The following CSMD1 variants were observed in gnomAD, a reference collection of about 807,000 sequenced individuals.
The protein encoded by CSMD1 is CUB and Sushi multiple domains 1, also known as CUB and sushi domain-containing protein 1.
Under a neutral mutation model 417.5 loss-of-function variants are expected in CSMD1, and 213 were observed. The ratio of observed to expected loss-of-function variants is 0.51; its 90% CI spans 0.46 to 0.57. CSMD1 has a LOEUF of 0.57. Among genes scored for constraint, CSMD1 ranks in the 20% least tolerant of loss-of-function variants. The pLI, the probability that CSMD1 is intolerant of heterozygous loss-of-function variation, is 0.00. For synonymous variants in CSMD1, 2,862 were observed against 1,736.8 expected (o/e 1.65, Z -16.11); for missense variants, 6,923 against 4,529.7 (o/e 1.53, Z -15.17).
intron 3 of CSMD1, among the ~76,000 whole-genome samples, chr8:4,299,720 TCCC>T (rs757794097): frequency 6.6e-6 from 1 of 152,086 alleles, no homozygotes; most frequent in African/African-American, 2.4e-5. Flanking sequence ...AACCCCTGAC[TCCC>T]CATTTCAAGC....
chr8:3,823,028 C>G (rs570495896), intron 5 of CSMD1, among the ~76,000 whole-genome samples: 32 of 152,158 alleles, frequency 2.1e-4, no homozygotes, highest in African/African-American at 7.2e-4. Flanking sequence ...AAACATAATT[C>G]GGCATCAGTA....
intron 26 of CSMD1, among the ~76,000 whole-genome samples, chr8:3,258,366 A>G (rs1018233342): frequency 6.6e-6 from 1 of 152,224 alleles, no homozygotes; most frequent in Non-Finnish European, 1.5e-5. Flanking sequence ...TGATCGTTAG[A>G]GAAATGCAAA....
At chr8:4,708,377 T>C (rs779120478) in intron 1 of CSMD1, among the ~76,000 whole-genome samples, 4 of 152,232 alleles carry the variant, frequency 2.6e-5, no homozygotes, top group Non-Finnish European at 4.4e-5. Context: ...TGTTCATTAT[T>C]CTGTTCAGTG....
At chr8:4,070,271 A>T (rs938468259) in intron 3 of CSMD1, among the ~76,000 whole-genome samples, 7 of 152,182 alleles carry the variant, frequency 4.6e-5, no homozygotes, top group Non-Finnish European at 7.3e-5. Flanking sequence ...CAAACTCTAA[A>T]ACATAATGTT....
intron 7 of CSMD1, among the ~76,000 whole-genome samples, chr8:3,645,539 C>G (rs1158446549): frequency 6.6e-6 from 1 of 152,082 alleles, no homozygotes; most frequent in African/African-American, 2.4e-5. Context: ...AGAGGTGAAG[C>G]TGCAGGAGAG....
At chr8:3,842,807 G>A (rs1018994989) in intron 5 of CSMD1, among the ~76,000 whole-genome samples, 78 of 152,268 alleles carry the variant, frequency 5.1e-4, no homozygotes, top group Middle Eastern at 3.4e-3. Context: ...TGGAATGTCA[G>A]TGTTCAAAAA....
intron 2 of CSMD1, among the ~76,000 whole-genome samples, chr8:4,549,631 G>A (rs1197143853): frequency 6.6e-6 from 1 of 152,056 alleles, no homozygotes; most frequent in African/African-American, 2.4e-5. Flanking sequence ...GCTCACACCG[G>A]TAATCCCAGC....
At chr8:3,555,961 A>G (rs1416830780) in intron 10 of CSMD1, among the ~76,000 whole-genome samples, 4 of 152,190 alleles carry the variant, frequency 2.6e-5, no homozygotes, top group African/African-American at 2.4e-5. Flanking sequence ...GGTTCTCCCA[A>G]TGTTAAATGA....
intron 5 of CSMD1, among the ~76,000 whole-genome samples, chr8:3,953,920 C>T (rs1346331845): frequency 6.6e-6 from 1 of 152,188 alleles, no homozygotes; most frequent in Non-Finnish European, 1.5e-5. Context: ...CTGTCTGGAA[C>T]GGCCCTGGCA....
chr8:3,558,646 T>C lies in CSMD1; in HGVS notation c.1344+16299A>G, dbSNP rs576306545. 2.8e-3 allele frequency among the ~76,000 whole-genome samples: 418 copies of C among 148,430 alleles called. 1 individual carries two copies. Among genetic ancestry groups the C allele is most frequent in the Non-Finnish European group, 4.4e-3 (295 of 66,972 alleles). On this transcript the variant is annotated intron_variant, in intron 10 of 69. Coordinates refer to ENST00000635120, the MANE Select transcript of CSMD1 (RefSeq NM_033225.6). ...TGAATAGTGCCTCAATAGTACCCCG[T>C]GTCCACTCCTCCAATGATGAACGGT...
intron 3 of CSMD1, among the ~76,000 whole-genome samples, chr8:4,314,871 G>A (rs149137996): frequency 7.2e-5 from 11 of 152,296 alleles, no homozygotes; most frequent in African/African-American, 1.9e-4. Flanking sequence ...GTTAGAAAAC[G>A]CTTCCTGTTG....
At chr8:2,993,336 G>T (rs973510126) in intron 54 of CSMD1, among the ~76,000 whole-genome samples, 1 of 152,150 alleles carries the variant, frequency 6.6e-6, no homozygotes, top group African/African-American at 2.4e-5. Context: ...TGAAGGTAAG[G>T]TTATATTTTC....
chr8:4,701,252 C>T (rs1483216372), intron 1 of CSMD1, among the ~76,000 whole-genome samples: 1 of 151,970 alleles, frequency 6.6e-6, no homozygotes, highest in Non-Finnish European at 1.5e-5. Flanking sequence ...GGTCTGCTTC[C>T]ACCTGGCAAA....
intron 3 of CSMD1, among the ~76,000 whole-genome samples, chr8:4,415,722 A>G (rs1309367178): frequency 6.6e-6 from 1 of 152,224 alleles, no homozygotes; most frequent in Non-Finnish European, 1.5e-5. Context: ...AGAAGAAATG[A>G]ATGAGCAAAT....
intron 64 of CSMD1, 104 bp from the exon 65 acceptor site, chr8:2,954,372 T>A (rs1802851603): frequency 1.5e-6 from 1 of 655,306 alleles, no homozygotes; most frequent in African/African-American, 1.8e-5. Context: ...CAGATTTTTT[T>A]AATGTACAAA....
intron 1 of CSMD1, among the ~76,000 whole-genome samples, chr8:4,712,877 G>A (rs1000623533): frequency 1.3e-5 from 2 of 152,190 alleles, no homozygotes; most frequent in Non-Finnish European, 2.9e-5. Flanking sequence ...AGACATCCAT[G>A]CCGATGGATG....
At chr8:4,364,258 G>A (rs1280174056) in intron 3 of CSMD1, among the ~76,000 whole-genome samples, 1 of 152,036 alleles carries the variant, frequency 6.6e-6, no homozygotes, top group Non-Finnish European at 1.5e-5. Context: ...CATCTCAAAG[G>A]GGCAGAAAGG....
At chr8:3,157,559 C>A (rs1423407470) in intron 39 of CSMD1, among the ~76,000 whole-genome samples, 4 of 152,206 alleles carry the variant, frequency 2.6e-5, no homozygotes, top group African/African-American at 9.7e-5. Context: ...AGAAAACTCC[C>A]CAGACTTTCA....
chr8:3,854,392 A>T (rs769196043), intron 5 of CSMD1, among the ~76,000 whole-genome samples: 2 of 152,102 alleles, frequency 1.3e-5, no homozygotes, highest in African/African-American at 4.8e-5. Context: ...GAATTAAAGT[A>T]TCATATTTTC....
Sources: allele counts gnomAD v4.1 joint callset (sites outside exome capture counted in the v4.1 genomes callset), GRCh38; gene constraint gnomAD v4.1.1; transcripts MANE v1.5; gene names NCBI Gene and HGNC (gene_info 2026-07-23, HGNC 2026-07-21).